SLC25A37: variants seen among roughly 807,000 people sequenced by gnomAD.
The protein encoded by SLC25A37 is solute carrier family 25 member 37, also known as mitoferrin-1.
Under a neutral mutation model 31.0 loss-of-function variants are expected in SLC25A37, and 17 were observed. The ratio of observed to expected loss-of-function variants is 0.55; its 90% CI spans 0.38 to 0.82. The LOEUF (loss-of-function observed/expected upper bound fraction) is 0.82, where lower values mean the gene tolerates loss of function less well. Ranked by LOEUF, SLC25A37 falls within the 40% of genes least tolerant of loss-of-function variation. The pLI is 0.00. For synonymous variants in SLC25A37, 222 were observed against 193.0 expected, an observed-to-expected ratio of 1.15 and a Z score of -1.24; for missense variants, 404 against 465.8, an observed-to-expected ratio of 0.87 and a Z score of 1.22.
At chr8:23,544,909 C>T (rs926902693) in intron 1 of SLC25A37, among the ~76,000 whole-genome samples, 4 of 152,158 alleles carry the variant, frequency 2.6e-5, no homozygotes, top group African/African-American at 9.7e-5. Context: ...CAGCCTCCTC[C>T]CAGGTGGGAA....
intron 3 of SLC25A37, among the ~76,000 whole-genome samples, chr8:23,569,965 GT>G (rs1802776935): frequency 6.6e-6 from 1 of 152,184 alleles, no homozygotes; most frequent in African/African-American, 2.4e-5. Flanking sequence ...CATGCTATAA[GT>G]TTGCCTGTCT....
At chr8:23,562,528 T>G (rs1190135095) in intron 1 of SLC25A37, among the ~76,000 whole-genome samples, 1 of 152,170 alleles carries the variant, frequency 6.6e-6, no homozygotes, top group Non-Finnish European at 1.5e-5. Flanking sequence ...ATAAATCATC[T>G]TACTGGTCCT....
At chr8:23,543,465 A>G (rs977901076) in intron 1 of SLC25A37, among the ~76,000 whole-genome samples, 9 of 152,194 alleles carry the variant, frequency 5.9e-5, no homozygotes, top group Non-Finnish European at 1.2e-4. Flanking sequence ...GTGCACAGGA[A>G]TGTCCCAGGC....
chr8:23,564,657 G>A (rs186525215), intron 1 of SLC25A37, among the ~76,000 whole-genome samples: 1 of 152,270 alleles, frequency 6.6e-6, no homozygotes, highest in East Asian at 1.9e-4. Flanking sequence ...GTTCTCCAGA[G>A]AAACAGGTAA....
intron 1 of SLC25A37, among the ~76,000 whole-genome samples, chr8:23,540,761 CACT>C (rs1298242213): frequency 6.6e-6 from 1 of 152,118 alleles, no homozygotes; most frequent in Non-Finnish European, 1.5e-5. Flanking sequence ...TTCCGTGGTC[CACT>C]AAGGCTGCAG....
At chr8:23,565,666 C>T (rs1802633586) in intron 1 of SLC25A37, among the ~76,000 whole-genome samples, 1 of 152,196 alleles carries the variant, frequency 6.6e-6, no homozygotes, top group Non-Finnish European at 1.5e-5. Flanking sequence ...TAAGTGAGGA[C>T]ACAGAAGTCT....
At chr8:23,564,426 C>T (rs1563265161) in intron 1 of SLC25A37, among the ~76,000 whole-genome samples, 1 of 142,100 alleles carries the variant, frequency 7.0e-6, no homozygotes, top group East Asian at 2.2e-4. Context: ...GATACCCCTG[C>T]CAAAAGTTGA....
chr8:23,566,187 C>T lies in SLC25A37; in HGVS notation c.290C>T (p.Thr97Ile). Residue 97 changes from threonine to isoleucine, a missense_variant, in exon 2 of 4, where the codon ACC becomes ATC. By Grantham distance (89) the Thr-to-Ile change is moderately conservative. This residue lies in a region of SLC25A37 where 154 missense variants were observed against 153.6 expected (regional missense o/e 1.00). Coordinates refer to ENST00000519973, the MANE Select transcript of SLC25A37 (RefSeq NM_016612.4). ...GGAGCCCTCAAGAAAATCATGCGGACCGAAGGCTTCTGGAGGCCCTTGCGA... is the reference window on the plus strand; with the variant it reads ...GGAGCCCTCAAGAAAATCATGCGGATCGAAGGCTTCTGGAGGCCCTTGCGA... ...IYGALKKIMR[T>I]EGFWRPLRGV... 1 of 1,606,240 alleles carries T rather than the reference C, an allele frequency of 6.2e-7. No homozygotes were observed. The highest frequency in any genetic ancestry group is 2.2e-5 in the East Asian group (1 of 44,484).
chr8:23,536,184 A>G (rs990377191), intron 1 of SLC25A37, among the ~76,000 whole-genome samples: 1 of 152,188 alleles, frequency 6.6e-6, no homozygotes, highest in Non-Finnish European at 1.5e-5. Context: ...GTGTTTCTAC[A>G]GATCCAAGCC....
chr8:23,568,400 G>A (rs1254970020), intron 3 of SLC25A37, 22 bp downstream of exon 3: 1 of 1,613,946 alleles, frequency 6.2e-7, no homozygotes, highest in South Asian at 1.1e-5. Context: ...TGGTCCCAGG[G>A]AGGGGCAGTA....
chr8:23,542,630 C>T (rs4872147), intron 1 of SLC25A37, among the ~76,000 whole-genome samples: 55,318 of 149,350 alleles, frequency 0.37, 11,883 homozygotes, highest in East Asian at 0.61. Flanking sequence ...CCGCCCTCCT[C>T]AGCCTCCCAG....
At chr8:23,543,929 C>CG (rs1221877736) in intron 1 of SLC25A37, among the ~76,000 whole-genome samples, 1 of 152,034 alleles carries the variant, frequency 6.6e-6, no homozygotes, top group Admixed American at 6.6e-5. Context: ...GGCAGAATCT[C>CG]GGCTCACCGC....
At position 23,542,098 on chromosome 8, in the gene SLC25A37, G is replaced by C. The variant is rs112385076; in HGVS notation, c.210+12886G>C. Reference sequence around the variant, plus strand: ...TGAATTACAGTCAGCACCACATAACGATGTTTCGGTCAACTATGGACTCCA... The same window carrying C: ...TGAATTACAGTCAGCACCACATAACCATGTTTCGGTCAACTATGGACTCCA... On this transcript the variant is annotated intron_variant, in intron 1 of 3. Transcript: ENST00000519973. 2.0e-3 allele frequency among the ~76,000 whole-genome samples: 301 copies of C among 152,242 alleles called. 1 individual carries two copies. The highest frequency in any genetic ancestry group is 6.9e-3 in the African/African-American group (287 of 41,544).
chr8:23,536,654 G>T (rs543973108), intron 1 of SLC25A37, among the ~76,000 whole-genome samples: 32 of 152,302 alleles, frequency 2.1e-4, no homozygotes, highest in African/African-American at 6.7e-4. Flanking sequence ...AGCCTCCTCA[G>T]ACTCAGTGTG....
At chr8:23,551,220 T>C (rs1802216720) in intron 1 of SLC25A37, among the ~76,000 whole-genome samples, 1 of 152,184 alleles carries the variant, frequency 6.6e-6, no homozygotes, top group South Asian at 2.1e-4. Context: ...CTGCCCCACC[T>C]CTCTGCCAGC....
rs1230559354 is a variant in SLC25A37 at position 23,573,656 on chromosome 8, G to T, written c.*1801G>T. 2.6e-6 allele frequency: 1 copy of T among 389,310 alleles called. No individual in the cohort carries two copies. Among genetic ancestry groups the T allele is most frequent in the East Asian group, 7.4e-5 (1 of 13,500 alleles). The allele number at this position is 389,310 out of a possible 1,614,324, so 24.1% of individuals were successfully genotyped here. On this transcript the variant is annotated 3_prime_UTR_variant, in exon 4 of 4. Transcript: ENST00000519973. The stretch of plus-strand genomic sequence containing the variant: ...GGGGAGTAGATTTTGCCCTAATAGC[G>T]ATGAAGAATTTTATCAGTCAGTGGA...
rs576804230 is a variant in SLC25A37, at chr8:23,570,544, A to G, written c.497-791A>G. On this transcript the variant is annotated intron_variant, in intron 3 of 3. Coordinates refer to ENST00000519973, the MANE Select transcript of SLC25A37 (RefSeq NM_016612.4). ...TTTATGACAGTTCATTCAGGGACCCAGTCAGTAAACAGGTAGTTAACTTCG... is the reference window on the plus strand; with the variant it reads ...TTTATGACAGTTCATTCAGGGACCCGGTCAGTAAACAGGTAGTTAACTTCG... Among the ~76,000 whole-genome samples, 40 of 152,344 alleles carry G rather than the reference A, an allele frequency of 2.6e-4. No individual in the cohort carries two copies. In the South Asian group the frequency reaches 8.1e-3, roughly 31 times the overall value.
At chr8:23,571,279 T>G (rs1802822000) in intron 3 of SLC25A37, 56 bp from the exon 4 acceptor site, 1 of 1,475,738 alleles carries the variant, frequency 6.8e-7, no homozygotes, top group Non-Finnish European at 9.0e-7. Context: ...TGGGGCCACA[T>G]CCAACCCACT....
chr8:23,531,926 A>G (rs1207841558), intron 1 of SLC25A37: 1 of 152,238 alleles, frequency 6.6e-6, no homozygotes, highest in Non-Finnish European at 1.5e-5. Context: ...AAATAAAAGA[A>G]GTTATTAGTG....
Sources: gnomAD v4.1 joint callset for allele counts (sites outside exome capture counted in the v4.1 genomes callset) on GRCh38, gnomAD v4.1.1 for gene constraint, gnomAD v4.1.1 regional missense constraint, MANE v1.5 for transcripts, NCBI Gene and HGNC (gene_info 2026-07-23, HGNC 2026-07-21) for gene names.